Variants in TMEM59 observed in about 807,000 individuals in gnomAD.
TMEM59 encodes dendritic cell factor 1.
TMEM59 carries 44 observed loss-of-function variants against 42.2 expected under a neutral mutation model. The observed-to-expected ratio is 1.04, with a 90% CI of 0.82 to 1.34. The LOEUF (loss-of-function observed/expected upper bound fraction) is 1.34. Ranked by LOEUF, TMEM59 falls within the 40% of genes most tolerant of loss-of-function variation. The probability of loss-of-function intolerance (pLI) is 0.00; values close to 1 mark genes in which losing one functional copy is unlikely to be tolerated. For missense variants in TMEM59, 359 were observed against 382.8 expected, an observed-to-expected ratio of 0.94 and a Z score of 0.52; for synonymous variants, 148 against 145.8, an observed-to-expected ratio of 1.02 and a Z score of -0.11.
Position 54,033,115 on chromosome 1 carries a change from C to CT in TMEM59, c.817-811dup, listed in dbSNP as rs112000180. ...GCTAATTTTTCTTTTTTCTTTCTTT[C>CT]TTTTTTTTTTCTTTCTTTTTTTTTT... On this transcript the variant is annotated intron_variant, in intron 7 of 7. Coordinates refer to ENST00000234831, the MANE Select transcript of TMEM59 (RefSeq NM_004872.5). 122 of 142,706 alleles carry CT rather than the reference C, an allele frequency of 8.5e-4. 1 individual carries two copies. The highest frequency in any genetic ancestry group is 2.7e-3 in the African/African-American group (100 of 37,436). The allele number at this position is 142,706 out of a possible 1,614,324, so 8.8% of individuals were successfully genotyped here.
At position 54,053,002 on chromosome 1, in the gene TMEM59, TAGGGTAGGTGTGCA is replaced by T; in HGVS notation, c.173_186del (p.Leu58Ter). 1 of 1,612,460 alleles carries T rather than the reference TAGGGTAGGTGTGCA, an allele frequency of 6.2e-7. No homozygotes were observed. ...AGCCCGCTCCGGACGGGCCCTACCTTAGGGTAGGTGTGCAAGGGGTAGGTCAACTGACAGGCCCG... is the reference window on the plus strand; with the variant it reads ...AGCCCGCTCCGGACGGGCCCTACCTTAGGGGTAGGTCAACTGACAGGCCCG... On this transcript the variant is annotated frameshift_variant, in exon 1 of 8. Coordinates refer to ENST00000234831, the MANE Select transcript of TMEM59 (RefSeq NM_004872.5). LOFTEE classifies it high-confidence loss of function.
At chr1:54,046,329 A>C (rs1657335978) in intron 2 of TMEM59, among the ~76,000 whole-genome samples, 1 of 152,254 alleles carries the variant, frequency 6.6e-6, no homozygotes, top group Non-Finnish European at 1.5e-5. Context: ...AAAATAAAAC[A>C]ATCAGCCTAA....
intron 6 of TMEM59, among the ~76,000 whole-genome samples, chr1:54,039,003 C>G (rs1485302137): frequency 1.3e-5 from 2 of 152,138 alleles, no homozygotes; most frequent in African/African-American, 4.8e-5. Context: ...GCCACCATGT[C>G]CAGCTAATTT....
intron 6 of TMEM59, among the ~76,000 whole-genome samples, chr1:54,038,404 G>C (rs1237591187): frequency 6.6e-6 from 1 of 152,120 alleles, no homozygotes; most frequent in Non-Finnish European, 1.5e-5. Context: ...ACATGTGTAG[G>C]ACTGTGTGTG....
At chr1:54,047,409 T>C (rs1226890283) in intron 1 of TMEM59, 37 bp from the exon 2 acceptor site, 196 of 1,550,742 alleles carry the variant, frequency 1.3e-4, no homozygotes, top group Non-Finnish European at 1.7e-4. Context: ...TACCAAAAAA[T>C]AGTATTTTTT....
intron 1 of TMEM59, 118 bp from the exon 2 acceptor site, chr1:54,047,490 C>A: frequency 1.3e-6 from 1 of 785,046 alleles, no homozygotes; most frequent in Non-Finnish European, 2.1e-6. Flanking sequence ...CAGTAAGTTT[C>A]ATAACTGAAA....
intron 1 of TMEM59, chr1:54,048,630 G>A (rs1657424895): frequency 9.4e-6 from 4 of 424,478 alleles, no homozygotes; most frequent in South Asian, 1.8e-5. Flanking sequence ...ATTGCATATG[G>A]GGGAGCCCCC....
In TMEM59 at chr1:54,028,387, A is replaced by G. The variant is rs1188847828; in HGVS notation, c.*3763T>C. 1.3e-5 allele frequency: 2 copies of G among 152,190 alleles called. No homozygotes were observed. Among genetic ancestry groups the G allele is most frequent in the Non-Finnish European group, 2.9e-5 (2 of 68,036 alleles). The allele number at this position is 152,190 out of a possible 1,614,324, so 9.4% of individuals were successfully genotyped here. A position where few individuals can be genotyped will look rare whatever the true frequency, so the allele number is the denominator to read the frequency against. The stretch of plus-strand genomic sequence containing the variant: ...ACTTGCCCTTTCTGGTCTATCTTCC[A>G]CATTGCTGTCCGAGTGAATCATTCC... On this transcript the variant is annotated 3_prime_UTR_variant, in exon 8 of 8. Transcript: ENST00000234831.
At chr1:54,036,830 G>A in intron 6 of TMEM59, 112 bp from the exon 7 acceptor site, 3 of 594,310 alleles carry the variant, frequency 5.0e-6, no homozygotes, top group South Asian at 3.4e-5. Flanking sequence ...AACTTTGTTG[G>A]TTATCTTTGA....
chr1:54,047,230 G>A (rs1657370143), intron 2 of TMEM59, 37 bp downstream of exon 2: 4 of 1,521,914 alleles, frequency 2.6e-6, no homozygotes, highest in Non-Finnish European at 2.7e-6. Context: ...AGAAAACAAT[G>A]TTACATACAG....
At chr1:54,033,922 AGTCT>A (rs1385101146) in intron 7 of TMEM59, 2 of 152,146 alleles carry the variant, frequency 1.3e-5, no homozygotes, top group African/African-American at 4.8e-5. Flanking sequence ...GTTCCAGACC[AGTCT>A]GGCCAACATG....
At chr1:54,040,103 T>TAAAAAC (rs1277853787) in intron 6 of TMEM59, among the ~76,000 whole-genome samples, 6 of 152,188 alleles carry the variant, frequency 3.9e-5, no homozygotes, top group African/African-American at 4.8e-5. Flanking sequence ...GCCATGCAGA[T>TAAAAAC]AAAAACAAAA....
intron 1 of TMEM59, among the ~76,000 whole-genome samples, chr1:54,052,379 T>C (rs1328248917): frequency 6.6e-6 from 1 of 152,200 alleles, no homozygotes; most frequent in Non-Finnish European, 1.5e-5. Flanking sequence ...GGTCAGTTTC[T>C]GGTAGGCAGA....
rs982010733 is a variant in TMEM59, at chr1:54,051,519, C to T, written c.189+1481G>A. Among the ~76,000 whole-genome samples, 5 of 152,320 alleles carry T rather than the reference C, an allele frequency of 3.3e-5. No individual in the cohort carries two copies. The East Asian group carries it at 9.6e-4, about 29-fold the overall frequency. On this transcript the variant is annotated intron_variant, in intron 1 of 7. Transcript: ENST00000234831. ...ATAGTGGACATTATTAAAGTACCTA[C>T]AACTTCCAGGAAGGTATCCTTTCAA...
In TMEM59 at chr1:54,028,249, G is replaced by T. The variant is rs571795611; in HGVS notation, c.*3901C>A. Reference sequence around the variant, plus strand: ...AGGTTTACCATCCAGACAACAATGTGGGGGAGCAGAGAGAGCGTTATAGAG... The same window carrying T: ...AGGTTTACCATCCAGACAACAATGTTGGGGAGCAGAGAGAGCGTTATAGAG... On this transcript the variant is annotated 3_prime_UTR_variant, in exon 8 of 8. Transcript: ENST00000234831. The T allele has an allele frequency of 6.6e-6, 1 of 152,122 alleles. No individual in the cohort carries two copies. Among genetic ancestry groups the T allele is most frequent in the Admixed American group, 6.6e-5 (1 of 15,266 alleles). The allele number at this position is 152,122 out of a possible 1,614,324, so 9.4% of individuals were successfully genotyped here. A position where few individuals can be genotyped will look rare whatever the true frequency, so the allele number is the denominator to read the frequency against.
At position 54,052,894 on chromosome 1, in the gene TMEM59, T is replaced by C. The variant is rs111706051; in HGVS notation, c.189+106A>G. ...GAGCTACACAGATGGGAGACAGCGA[T>C]TGAAGGGCCGATTTAACAGCCAGGT... On this transcript the variant is annotated intron_variant, in intron 1 of 7. Transcript: ENST00000234831. 3,098 of 1,288,288 alleles carry C rather than the reference T, an allele frequency of 2.4e-3. 51 individuals are homozygous for C. In the African/African-American group the frequency reaches 0.04, roughly 17 times the overall value. 79.8% of individuals were successfully genotyped at this position (1,288,288 alleles called of 1,614,324 possible).
chr1:54,046,266 G>A (rs563372494), intron 2 of TMEM59, among the ~76,000 whole-genome samples: 3 of 152,288 alleles, frequency 2.0e-5, no homozygotes, highest in African/African-American at 7.2e-5. Flanking sequence ...AGGTATTATT[G>A]TTAAGAACCA....
At chr1:54,033,654 T>C (rs1404610632) in intron 7 of TMEM59, 1 of 148,946 alleles carries the variant, frequency 6.7e-6, no homozygotes, top group African/African-American at 2.5e-5. Flanking sequence ...AATCTACTCA[T>C]ACGGCAACAA....
At chr1:54,047,417 T>A in intron 1 of TMEM59, 45 bp from the exon 2 acceptor site, 1 of 1,525,780 alleles carries the variant, frequency 6.6e-7, no homozygotes, top group South Asian at 1.2e-5. Flanking sequence ...AATAGTATTT[T>A]TTTTTCCTCA....
Sources: allele counts gnomAD v4.1 joint callset (sites outside exome capture counted in the v4.1 genomes callset), GRCh38; gene constraint gnomAD v4.1.1; transcripts MANE v1.5; gene names NCBI Gene and HGNC (gene_info 2026-07-23, HGNC 2026-07-21).